AKAP17A: variants seen among roughly 807,000 people sequenced by gnomAD.
AKAP17A encodes the protein A-kinase anchoring protein 17A.
Under a neutral mutation model 52.2 loss-of-function variants are expected in AKAP17A, and 15 were observed. That is an observed-to-expected ratio of 0.29 (90% confidence interval 0.19 to 0.44). The LOEUF is 0.44. Ranked by LOEUF, AKAP17A falls within the 20% of genes least tolerant of loss-of-function variation. The probability of loss-of-function intolerance (pLI) is 1.00; values close to 1 mark genes in which losing one functional copy is unlikely to be tolerated. For missense variants in AKAP17A, 1,060 were observed against 1,007.0 expected (o/e 1.05, Z -0.71); for synonymous variants, 514 against 424.7 (o/e 1.21, Z -2.58).
Position 1,601,839 on chromosome X carries a change from T to G in AKAP17A, c.*245T>G. On this transcript the variant is annotated 3_prime_UTR_variant, in exon 5 of 5. Transcript: ENST00000313871. Reference sequence around the variant, plus strand: ...CGTAGTCCTTTAAAACTTGATCCGATAGCTTTAATGCGGCCGGTCCTCTCT... The same window carrying G: ...CGTAGTCCTTTAAAACTTGATCCGAGAGCTTTAATGCGGCCGGTCCTCTCT... 2.5e-6 allele frequency: 1 copy of G among 405,500 alleles called. No individual in the cohort carries two copies. The highest frequency in any genetic ancestry group is 4.3e-6 in the Non-Finnish European group (1 of 231,870). The allele number at this position is 405,500 out of a possible 1,614,324, so 25.1% of individuals were successfully genotyped here.
Position 1,602,073 on chromosome X carries a change from TG to T in AKAP17A, c.*480del, listed in dbSNP as rs1271175023. 1 of 157,854 alleles carries T rather than the reference TG, an allele frequency of 6.3e-6. No homozygotes were observed. The highest frequency in any genetic ancestry group is 1.4e-5 in the Non-Finnish European group (1 of 72,098). 9.8% of individuals were successfully genotyped at this position (157,854 alleles called of 1,614,324 possible). ...TTTGTAATGTTAACTGATCAGGAAG[TG>T]CAGTTTGGGTGGGATGCCGAATCGT... On this transcript the variant is annotated 3_prime_UTR_variant, in exon 5 of 5. Transcript: ENST00000313871.
chrX:1,597,477 G>A (rs1933066858), intron 3 of AKAP17A, among the ~76,000 whole-genome samples: 3 of 152,056 alleles, frequency 2.0e-5, no homozygotes, highest in Admixed American at 1.3e-4. Context: ...GTTCGGATGT[G>A]GGGTTGAGTC....
At chrX:1,596,915 G>GTGGATT (rs1439867234) in intron 3 of AKAP17A, among the ~76,000 whole-genome samples, 1 of 150,850 alleles carries the variant, frequency 6.6e-6, no homozygotes, top group Non-Finnish European at 1.5e-5. Context: ...TCCTAGTGAG[G>GTGGATT]CGGAATCCTC....
Position 1,593,637 on chromosome X carries a change from G to T in AKAP17A, c.175G>T (p.Val59Leu). 1 of 1,613,898 alleles carries T rather than the reference G, an allele frequency of 6.2e-7. No individual in the cohort carries two copies. The highest frequency in any genetic ancestry group is 2.2e-5 in the East Asian group (1 of 44,880). Residue 59 changes from valine (V) to leucine (L), a missense_variant, in exon 2 of 5, where the codon GTG becomes TTG. By Grantham distance (32) the Val-to-Leu change is conservative (BLOSUM62 1). Transcript: ENST00000313871. ...GGTGATGGAGAGGCTGAAGGGCATG[G>T]TGCAGAACCACCAGTTCTCCACGCT... is the stretch of plus-strand genomic sequence containing the variant. ...WEVMERLKGMVQNHQFSTLRI... is the reference protein window; with the variant it reads ...WEVMERLKGMLQNHQFSTLRI...
rs1205862941 is a variant in AKAP17A at position 1,595,598 on chromosome X, G to A, written c.911+66G>A. 36 of 1,602,782 alleles carry A rather than the reference G, an allele frequency of 2.2e-5. No homozygotes were observed. In the African/African-American group the frequency reaches 4.0e-4, roughly 18 times the overall value. On this transcript the variant is annotated intron_variant, in intron 3 of 4. Coordinates refer to ENST00000313871, the MANE Select transcript of AKAP17A (RefSeq NM_005088.3). ...CACCTGGGAGTGTGCGCAGACCCGT[G>A]TGCGTGTGTCTGCATGTATTCCTGT...
At chrX:1,593,102 C>T (rs1388278424) in intron 1 of AKAP17A, among the ~76,000 whole-genome samples, 2 of 152,106 alleles carry the variant, frequency 1.3e-5, no homozygotes, top group African/African-American at 2.4e-5. Context: ...TCCTACTTGA[C>T]CTGTGTGAGG....
In AKAP17A at chrX:1,600,772, G is replaced by C; in HGVS notation, c.1266G>C (p.Glu422Asp). Reference protein sequence around the residue: ...AELRRVEEEKERALGLQRKER... With the variant: ...AELRRVEEEKDRALGLQRKER... ...TGCGGCGCGTGGAGGAGGAGAAGGA[G>C]CGCGCGCTGGGCCTGCAGCGGAAAG... The change falls in exon 5 of 5, where the codon GAG (glutamate) becomes GAC (aspartate). Residue 422 changes from glutamate to aspartate, a missense_variant. Around this residue, in one of 2 missense-constraint regions of AKAP17A, gnomAD observed 793 missense variants for 629.9 expected, o/e 1.26. Coordinates refer to ENST00000313871, the MANE Select transcript of AKAP17A (RefSeq NM_005088.3). The C allele has an allele frequency of 6.4e-7, 1 of 1,571,252 alleles. No homozygotes were observed. The highest frequency in any genetic ancestry group is 8.6e-7 in the Non-Finnish European group (1 of 1,163,450).
rs1294718447 is a variant in AKAP17A at position 1,597,280 on chromosome X, C to T, written c.911+1748C>T. Among the ~76,000 whole-genome samples the T allele has an allele frequency of 4.6e-5, 7 of 152,168 alleles. No individual in the cohort carries two copies. The South Asian group carries it at 8.3e-4, about 18-fold the overall frequency. ...CGGGTTGTCAGCCTCTGAATCTGAACCCCGAGGGCTCCTTAGGTGAGGCAG... is the reference window on the plus strand; with the variant it reads ...CGGGTTGTCAGCCTCTGAATCTGAATCCCGAGGGCTCCTTAGGTGAGGCAG... On this transcript the variant is annotated intron_variant, in intron 3 of 4. Coordinates refer to ENST00000313871, the MANE Select transcript of AKAP17A (RefSeq NM_005088.3).
chrX:1,595,496 A>G lies in AKAP17A; in HGVS notation c.875A>G (p.Glu292Gly). 1 of 1,613,956 alleles carries G rather than the reference A, an allele frequency of 6.2e-7. No homozygotes were observed. Among genetic ancestry groups the G allele is most frequent in the Non-Finnish European group, 8.5e-7 (1 of 1,179,860 alleles). Residue 292 changes from glutamate to glycine, a missense_variant, in exon 3 of 5, where the codon GAG (glutamate) becomes GGG (glycine). By Grantham distance (98) the Glu-to-Gly change is moderately conservative. Transcript: ENST00000313871. ...EQQREEQKRR[E>G]KEAEERQRAE... is the part of the protein sequence containing the mutation. Reference sequence around the variant, plus strand: ...CAAAGAGAAGAACAAAAGCGCAGAGAGAAGGAAGCGGAGGAGAGGCAGCGA... The same window carrying G: ...CAAAGAGAAGAACAAAAGCGCAGAGGGAAGGAAGCGGAGGAGAGGCAGCGA...
intron 3 of AKAP17A, among the ~76,000 whole-genome samples, chrX:1,598,271 G>A (rs1355970920): frequency 6.6e-6 from 1 of 152,172 alleles, no homozygotes; most frequent in African/African-American, 2.4e-5. Context: ...AGACCGTGTG[G>A]ATCACTGTCT....
At chrX:1,600,265 T>C (rs1933282192) in intron 4 of AKAP17A, 1 of 1,170,634 alleles carries the variant, frequency 8.5e-7, no homozygotes, top group Non-Finnish European at 1.2e-6. Flanking sequence ...GCTACGGCGG[T>C]GGCATGCGTC....
intron 3 of AKAP17A, among the ~76,000 whole-genome samples, chrX:1,596,237 A>AAC (rs1556033938): frequency 3.3e-5 from 5 of 151,134 alleles, no homozygotes; most frequent in South Asian, 2.1e-4. Flanking sequence ...AAAAAAAAAA[A>AAC]AAAAAACAAA....
At chrX:1,598,081 A>T (rs1254819127) in intron 3 of AKAP17A, among the ~76,000 whole-genome samples, 1 of 152,136 alleles carries the variant, frequency 6.6e-6, no homozygotes, top group African/African-American at 2.4e-5. Context: ...TTTGAGCTTG[A>T]TGAGAGCTGT....
At chrX:1,592,278 T>G (rs1392302351) in intron 1 of AKAP17A, among the ~76,000 whole-genome samples, 1 of 151,274 alleles carries the variant, frequency 6.6e-6, no homozygotes, top group African/African-American at 2.4e-5. Flanking sequence ...GGGTACCGAG[T>G]GGCCAAGGGC....
intron 2 of AKAP17A, 78 bp from the exon 3 acceptor site, chrX:1,595,306 G>A (rs1237594258): frequency 4.4e-6 from 7 of 1,589,048 alleles, no homozygotes; most frequent in Non-Finnish European, 6.0e-6. Context: ...TCGGCCCTAC[G>A]GCCCAGGAGA....
chrX:1,599,345 G>T lies in AKAP17A; in HGVS notation c.1065G>T (p.Lys355Asn), dbSNP rs1933216477. ...AGGAGCAGAAGCAGCTGCAGGAGAA[G>T]ATCAAGCTGGAGGAGCGCAAGCTGC... Reference protein sequence around the residue: ...QAEEQKQLQEKIKLEERKLLL... With the variant: ...QAEEQKQLQENIKLEERKLLL... The change falls in exon 4 of 5, where the codon AAG (lysine) becomes AAT (asparagine). Residue 355 changes from lysine to asparagine, a missense_variant. By Grantham distance (94) the Lys-to-Asn change is moderately conservative (BLOSUM62 0). This residue lies in a region of AKAP17A where 793 missense variants were observed against 629.9 expected (regional missense o/e 1.26). Transcript: ENST00000313871. The T allele has an allele frequency of 6.3e-7, 1 of 1,599,346 alleles. No individual in the cohort carries two copies. The highest frequency in any genetic ancestry group is 1.1e-5 in the South Asian group (1 of 89,240).
Position 1,593,453 on chromosome X carries a change from C to T in AKAP17A, c.-10C>T. On this transcript the variant is annotated 5_prime_UTR_variant, in exon 2 of 5. Coordinates refer to ENST00000313871, the MANE Select transcript of AKAP17A (RefSeq NM_005088.3). Reference sequence around the variant, plus strand: ...GCGTCTTATGTTTCAGGCCCAAGGTCCCGGAGGCTATGGCAGCGGCTACCA... The same window carrying T: ...GCGTCTTATGTTTCAGGCCCAAGGTTCCGGAGGCTATGGCAGCGGCTACCA... 1 of 1,609,786 alleles carries T rather than the reference C, an allele frequency of 6.2e-7. No homozygotes were observed.
At chrX:1,598,816 C>G (rs1489522167) in intron 3 of AKAP17A, among the ~76,000 whole-genome samples, 1 of 152,182 alleles carries the variant, frequency 6.6e-6, no homozygotes, top group Admixed American at 6.5e-5. Flanking sequence ...GCGTCCTCCG[C>G]GCCGCTGTGC....
At position 1,600,671 on chromosome X, in the gene AKAP17A, C is replaced by T. The variant is rs771236055; in HGVS notation, c.1165C>T (p.Arg389Trp). Residue 389 changes from arginine to tryptophan, a missense_variant, in exon 5 of 5, where the codon CGG (arginine) becomes TGG (tryptophan). Physicochemically the swap from Arg to Trp is moderately radical, Grantham distance 101 (BLOSUM62 -3). Coordinates refer to ENST00000313871, the MANE Select transcript of AKAP17A (RefSeq NM_005088.3). Reference sequence around the variant, plus strand: ...CTCTTCCCCGCAGGCTGTGAAGCTACGGGAACAGGAGCAGAAGGAGGAGAA... The same window carrying T: ...CTCTTCCCCGCAGGCTGTGAAGCTATGGGAACAGGAGCAGAAGGAGGAGAA... ...LLSRAKAVKL[R>W]EQEQKEEKLR... is the part of the protein sequence containing the mutation. 3.2e-5 allele frequency: 50 copies of T among 1,540,070 alleles called. No individual in the cohort carries two copies. Among genetic ancestry groups the T allele is most frequent in the South Asian group, 7.2e-5 (6 of 83,612 alleles).
Sources: allele counts gnomAD v4.1 joint callset (sites outside exome capture counted in the v4.1 genomes callset), GRCh38; gene constraint gnomAD v4.1.1; regional missense constraint gnomAD v4.1.1; transcripts MANE v1.5; gene names NCBI Gene and HGNC (gene_info 2026-07-23, HGNC 2026-07-21).